ZNF45: variants seen among roughly 807,000 people sequenced by gnomAD.
The protein encoded by ZNF45 is zinc finger protein 45, also known as BRC1744.
Under a neutral mutation model 12.0 loss-of-function variants are expected in ZNF45, and 4 were observed. The ratio of observed to expected loss-of-function variants is 0.33; its 90% confidence interval spans 0.16 to 0.76. The LOEUF is 0.76. Among genes scored for constraint, ZNF45 ranks in the 30% least tolerant of loss-of-function variants. The probability of loss-of-function intolerance (pLI) is 0.60; values close to 1 mark genes in which losing one functional copy is unlikely to be tolerated. For missense variants in ZNF45, 700 were observed against 813.0 expected, an observed-to-expected ratio of 0.86 and a Z score of 1.69; for synonymous variants, 272 against 279.6, an observed-to-expected ratio of 0.97 and a Z score of 0.27.
Position 43,918,871 on chromosome 19 carries a change from T to G in ZNF45, c.234A>C (p.Ser78=), listed in dbSNP as rs1287993163. Residue 78 remains serine (S), a splice_region_variant and synonymous_variant, in exon 9 of 10, where the codon TCA becomes TCC. Coordinates refer to ENST00000269973, the MANE Select transcript of ZNF45 (RefSeq NM_003425.4). ...MKMATQRDNS[S]GAKNLKEMET... ...CCAGCAGCCCCAGCCCCTCCTCACC[T>G]GAGGAGTTATCTCTCTGGGTTGCCA... 7.4e-6 allele frequency: 12 copies of G among 1,613,632 alleles called. No homozygotes were observed. The highest frequency in any genetic ancestry group is 1.6e-4 in the Middle Eastern group (1 of 6,062).
Position 43,914,999 on chromosome 19 carries a change from C to T in ZNF45, c.437G>A (p.Ser146Asn), listed in dbSNP as rs763889724. 7 of 1,606,058 alleles carry T rather than the reference C, an allele frequency of 4.4e-6. No individual in the cohort carries two copies. In the African/African-American group the frequency reaches 8.0e-5, roughly 18 times the overall value. Residue 146 changes from serine (S) to asparagine (N), a missense_variant, in exon 10 of 10, where the codon AGT becomes AAT. Transcript: ENST00000269973. ...DDLHYKDEGFSNQSSHLQVHR... is the reference protein window; with the variant it reads ...DDLHYKDEGFNNQSSHLQVHR... ...AACTTGAAGATGGGAACTCTGATTA[C>T]TGAATCCCTCATCTTTATAGTGCAA...
chr19:43,914,770 A>G lies in ZNF45; in HGVS notation c.666T>C (p.Asn222=). The change falls in exon 10 of 10, where the codon AAT becomes AAC. Residue 222 remains asparagine (N), a synonymous_variant. Transcript: ENST00000269973. The part of the protein sequence containing the change: ...RVHSRAKSYT[N]DASYRSFSQR... ...GACTAAAACTCCTGTAACTTGCATC[A>G]TTTGTGTATGATTTTGCTCTACTGT... 14 of 1,614,094 alleles carry G rather than the reference A, an allele frequency of 8.7e-6. No individual in the cohort carries two copies. The highest frequency in any genetic ancestry group is 1.2e-5 in the Non-Finnish European group (14 of 1,180,026).
In ZNF45 at chr19:43,914,711, G is replaced by A; in HGVS notation, c.725C>T (p.Pro242Leu). ...RSHLPHHQRV[P>L]TGENPYKYEE... ...ATATTTGTATGGATTCTCTCCAGTG[G>A]GAACTCTCTGATGATGGGGAAGATG... Residue 242 changes from proline (P) to leucine (L), a missense_variant, in exon 10 of 10, where the codon CCC becomes CTC. Physicochemically the swap from Pro to Leu is moderately conservative, Grantham distance 98 (BLOSUM62 -3). Transcript: ENST00000269973. 1 of 1,614,148 alleles carries A rather than the reference G, an allele frequency of 6.2e-7. No individual in the cohort carries two copies. Among genetic ancestry groups the A allele is most frequent in the Non-Finnish European group, 8.5e-7 (1 of 1,180,028 alleles).
intron 3 of ZNF45, among the ~76,000 whole-genome samples, chr19:43,925,766 A>AC (rs1973623930): frequency 6.6e-6 from 1 of 151,854 alleles, no homozygotes; most frequent in African/African-American, 2.4e-5. Context: ...GATTATGGGC[A>AC]CCCGCCACCA....
rs1364266584 is a variant in ZNF45, at chr19:43,913,164, CTCCAGA to C, written c.*217_*222del. On this transcript the variant is annotated 3_prime_UTR_variant, in exon 10 of 10. Coordinates refer to ENST00000269973, the MANE Select transcript of ZNF45 (RefSeq NM_003425.4). ...TTTCTATCTTAGTACTTCTGATTTA[CTCCAGA>C]TCAGACTCATCCTTCCTGATCCTCT... 3 of 438,770 alleles carry C rather than the reference CTCCAGA, an allele frequency of 6.8e-6. No homozygotes were observed. The highest frequency in any genetic ancestry group is 1.2e-5 in the Non-Finnish European group (3 of 250,062). 27.2% of individuals were successfully genotyped at this position (438,770 alleles called of 1,614,324 possible). A position where few individuals can be genotyped will look rare whatever the true frequency, so the allele number is the denominator to read the frequency against.
chr19:43,917,713 T>C (rs1327315513), intron 9 of ZNF45, among the ~76,000 whole-genome samples: 1 of 152,194 alleles, frequency 6.6e-6, no homozygotes, highest in Non-Finnish European at 1.5e-5. Flanking sequence ...CTGGAACTCC[T>C]GGTCTCAGGT....
At position 43,922,219 on chromosome 19, in the gene ZNF45, T is replaced by A; in HGVS notation, c.-32-2A>T. On this transcript the variant is annotated splice_acceptor_variant, in intron 6 of 9. Coordinates refer to ENST00000269973, the MANE Select transcript of ZNF45 (RefSeq NM_003425.4). LOFTEE classifies it low-confidence loss of function (5UTR_SPLICE). Reference sequence around the variant, plus strand: ...CCTCCTTCTGGAGAAGTGCCAAGTCTTAAGAGGGAAGGAGAAAACATGAGG... The same window carrying A: ...CCTCCTTCTGGAGAAGTGCCAAGTCATAAGAGGGAAGGAGAAAACATGAGG... The A allele has an allele frequency of 6.3e-7, 1 of 1,597,280 alleles. No homozygotes were observed. Among genetic ancestry groups the A allele is most frequent in the Non-Finnish European group, 8.6e-7 (1 of 1,169,180 alleles).
intron 6 of ZNF45, among the ~76,000 whole-genome samples, chr19:43,922,447 G>C (rs1365493629): frequency 6.6e-6 from 1 of 152,150 alleles, no homozygotes; most frequent in Non-Finnish European, 1.5e-5. Flanking sequence ...CGACCACACA[G>C]AGTATGCCCC....
Position 43,914,602 on chromosome 19 carries a change from A to C in ZNF45, c.834T>G (p.Cys278Trp). ...IVHTGEKPYKCEECGVGFSQR... is the reference protein window; with the variant it reads ...IVHTGEKPYKWEECGVGFSQR... Reference sequence around the variant, plus strand: ...GACTGAAGCCCACCCCACACTCCTCACATTTATAGGGTTTCTCTCCCGTAT... The same window carrying C: ...GACTGAAGCCCACCCCACACTCCTCCCATTTATAGGGTTTCTCTCCCGTAT... Residue 278 changes from cysteine (C) to tryptophan (W), a missense_variant, in exon 10 of 10, where the codon TGT becomes TGG. By Grantham distance (215) the Cys-to-Trp change is radical. Coordinates refer to ENST00000269973, the MANE Select transcript of ZNF45 (RefSeq NM_003425.4). 1.2e-6 allele frequency: 2 copies of C among 1,613,558 alleles called. No homozygotes were observed. The highest frequency in any genetic ancestry group is 1.7e-6 in the Non-Finnish European group (2 of 1,179,754).
chr19:43,931,686 C>A (rs453682), intron 3 of ZNF45, among the ~76,000 whole-genome samples: 50,106 of 151,940 alleles, frequency 0.33, 8,423 homozygotes, highest in Middle Eastern at 0.43. Context: ...AACATGTTAC[C>A]TATCTCTTTT....
At chr19:43,919,367 G>A (rs192563495) in intron 8 of ZNF45, among the ~76,000 whole-genome samples, 127 of 152,256 alleles carry the variant, frequency 8.3e-4, no homozygotes, top group Admixed American at 2.0e-3. Flanking sequence ...GGATAAAAGT[G>A]TATAGTTGTC....
rs1257687079 is a variant in ZNF45, at chr19:43,914,335, T to A, written c.1101A>T (p.Lys367Asn). ...GAAGGTGTGAACCCACACTGAAACC[T>A]TTCCCACACTCCTCACACTTATAGG... ...EKPYKCEECG[K>N]GFSVGSHLQA... Residue 367 changes from lysine to asparagine, a missense_variant, in exon 10 of 10, where the codon AAA (lysine) becomes AAT (asparagine). Lys to Asn is a moderately conservative substitution (Grantham distance 94). Coordinates refer to ENST00000269973, the MANE Select transcript of ZNF45 (RefSeq NM_003425.4). The A allele has an allele frequency of 6.2e-7, 1 of 1,608,576 alleles. No homozygotes were observed. Among genetic ancestry groups the A allele is most frequent in the South Asian group, 1.1e-5 (1 of 90,726 alleles).
Position 43,913,420 on chromosome 19 carries a change from A to C in ZNF45, c.2016T>G (p.Pro672=). 6.4e-7 allele frequency: 1 copy of C among 1,561,520 alleles called. No individual in the cohort carries two copies. Among genetic ancestry groups the C allele is most frequent in the East Asian group, 2.2e-5 (1 of 44,452 alleles). ...TTTTCCTGTGTGAATCCTCTGATGA[A>C]GGAAAGTCCTTGTCACCCTCATCAT... ...HADDEGDKDF[P]SSEDSHRKTR is the part of the protein sequence containing the mutation. The change falls in exon 10 of 10, where the codon CCT becomes CCG. Residue 672 remains proline (P), a synonymous_variant. Transcript: ENST00000269973.
In ZNF45 at chr19:43,935,212, G is replaced by A. The variant is rs1291005082; in HGVS notation, c.-1044C>T. On this transcript the variant is annotated 5_prime_UTR_variant, in exon 1 of 10. Coordinates refer to ENST00000269973, the MANE Select transcript of ZNF45 (RefSeq NM_003425.4). ...CATAAAAGTTAAAACAGGTCGCGGG[G>A]TCCCAGGACTCACTCACTTCCACGA... 2.0e-5 allele frequency: 3 copies of A among 152,282 alleles called. No homozygotes were observed. Among genetic ancestry groups the A allele is most frequent in the Non-Finnish European group, 2.9e-5 (2 of 68,078 alleles). The allele number at this position is 152,282 out of a possible 1,614,324, so 9.4% of individuals were successfully genotyped here.
rs1972960904 is a variant in ZNF45, at chr19:43,919,579, A to C, written c.136T>G (p.Ser46Ala). Residue 46 changes from serine to alanine, a missense_variant, in exon 8 of 10, where the codon TCA (serine) becomes GCA (alanine). Physicochemically the swap from Ser to Ala is moderately conservative, Grantham distance 99. Transcript: ENST00000269973. ...AGAGAATGCCTGTCCTCACCCACTGAGACCACATTCCTGAAGTTCTCCAGC... is the reference window on the plus strand; with the variant it reads ...AGAGAATGCCTGTCCTCACCCACTGCGACCACATTCCTGAAGTTCTCCAGC... ...VMLENFRNVVSVGHQSTPDGL... is the reference protein window; with the variant it reads ...VMLENFRNVVAVGHQSTPDGL... 1 of 1,612,234 alleles carries C rather than the reference A, an allele frequency of 6.2e-7. No individual in the cohort carries two copies. The highest frequency in any genetic ancestry group is 1.3e-5 in the African/African-American group (1 of 74,972).
At chr19:43,933,837 C>T (rs1159589460) in intron 2 of ZNF45, among the ~76,000 whole-genome samples, 2 of 152,088 alleles carry the variant, frequency 1.3e-5, no homozygotes, top group Non-Finnish European at 2.9e-5. Context: ...GTACAGAGAA[C>T]GTGCATCTCT....
chr19:43,932,854 T>TC (rs1974239895), intron 2 of ZNF45, among the ~76,000 whole-genome samples, 164 bp from the exon 3 acceptor site: 1 of 152,086 alleles, frequency 6.6e-6, no homozygotes, highest in Admixed American at 6.5e-5. Context: ...AACCTCAGAG[T>TC]TACTGTTAAT....
chr19:43,927,164 C>A (rs182729544), intron 3 of ZNF45, among the ~76,000 whole-genome samples: 2 of 152,314 alleles, frequency 1.3e-5, no homozygotes, highest in East Asian at 1.9e-4. Context: ...TATCCCTCAT[C>A]TCTGCTTACT....
chr19:43,922,173 T>C lies in ZNF45; in HGVS notation c.13A>G (p.Lys5Glu). The C allele has an allele frequency of 6.2e-7, 1 of 1,610,598 alleles. No homozygotes were observed. Among genetic ancestry groups the C allele is most frequent in the Non-Finnish European group, 8.5e-7 (1 of 1,177,516 alleles). ...GGAGAAAGGGAGGTCCAACTCACCT[T>C]AGACTTCGTCATTTTGTCCTCCTCC... MTKS[K>E]EAVTFKDVAV... is the part of the protein sequence containing the mutation. Residue 5 changes from lysine (K) to glutamate (E), a missense_variant and splice_region_variant, in exon 7 of 10, where the codon AAG becomes GAG. Transcript: ENST00000269973.
Sources: gnomAD v4.1 joint callset for allele counts (sites outside exome capture counted in the v4.1 genomes callset) on GRCh38, gnomAD v4.1.1 for gene constraint, MANE v1.5 for transcripts, NCBI Gene and HGNC (gene_info 2026-07-23, HGNC 2026-07-21) for gene names.